Variants in DNAH7 observed in about 807,000 individuals in gnomAD.
The protein encoded by DNAH7 is dynein axonemal heavy chain 7.
A neutral mutation model predicts 444.6 loss-of-function variants in DNAH7; 397 were observed. The ratio of observed to expected loss-of-function variants is 0.89; its 90% confidence interval spans 0.82 to 0.97. The LOEUF is 0.97. Ranked by LOEUF, DNAH7 falls within the 50% of genes least tolerant of loss-of-function variation. DNAH7 has a pLI of 0.00. For missense variants in DNAH7, 4,902 were observed against 4,800.8 expected (o/e 1.02, Z -0.62); for synonymous variants, 1,636 against 1,624.4 (o/e 1.01, Z -0.17).
At chr2:196,046,488 T>A (rs1293424898) in intron 5 of DNAH7, among the ~76,000 whole-genome samples, 1 of 152,130 alleles carries the variant, frequency 6.6e-6, no homozygotes, top group Non-Finnish European at 1.5e-5. Context: ...TTGATTTGGG[T>A]GTTGATCATA....
At chr2:195,768,260 C>A (rs992257128) in intron 61 of DNAH7, among the ~76,000 whole-genome samples, 4 of 148,484 alleles carry the variant, frequency 2.7e-5, no homozygotes, top group Non-Finnish European at 5.9e-5. Flanking sequence ...AATGATAAGG[C>A]AAATATGGCA....
chr2:195,784,288 AT>A (rs1695513590), intron 58 of DNAH7, among the ~76,000 whole-genome samples: 2 of 152,318 alleles, frequency 1.3e-5, no homozygotes, highest in Non-Finnish European at 2.9e-5. Context: ...TTGGGAACCA[AT>A]AATCATTTCA....
chr2:196,004,182 G>A (rs950779767), intron 10 of DNAH7, among the ~76,000 whole-genome samples: 4 of 152,166 alleles, frequency 2.6e-5, no homozygotes, highest in Admixed American at 1.3e-4. Context: ...GCACTGAACT[G>A]GGGAATATTT....
intron 21 of DNAH7, among the ~76,000 whole-genome samples, chr2:195,931,814 T>C (rs1353286828): frequency 6.6e-6 from 1 of 152,250 alleles, no homozygotes; most frequent in Non-Finnish European, 1.5e-5. Flanking sequence ...CATGCTGTTT[T>C]GGTTACTGTA....
intron 47 of DNAH7, among the ~76,000 whole-genome samples, chr2:195,837,870 C>A (rs1040999479): frequency 2.6e-5 from 4 of 152,008 alleles, no homozygotes; most frequent in Non-Finnish European, 1.5e-5. Flanking sequence ...ACTTTGCCCC[C>A]AGTGTTGGCA....
At chr2:196,053,128 G>T (rs1697585835) in intron 2 of DNAH7, among the ~76,000 whole-genome samples, 1 of 152,224 alleles carries the variant, frequency 6.6e-6, no homozygotes, top group South Asian at 2.1e-4. Context: ...GGAACAGAGA[G>T]GGAAGGAGTG....
intron 5 of DNAH7, among the ~76,000 whole-genome samples, chr2:196,042,325 C>T (rs966453728): frequency 6.6e-6 from 1 of 151,864 alleles, no homozygotes. Flanking sequence ...GGACAGATAT[C>T]CCAATTACCC....
chr2:196,064,714 C>T (rs1004562817), intron 1 of DNAH7, among the ~76,000 whole-genome samples: 2 of 152,186 alleles, frequency 1.3e-5, no homozygotes, highest in Non-Finnish European at 2.9e-5. Context: ...CCTTCTGCAA[C>T]ATGCTTTTTA....
chr2:196,026,841 G>A lies in DNAH7; in HGVS notation c.586C>T (p.Leu196=), dbSNP rs1695719835. Residue 196 remains leucine, a synonymous_variant, in exon 7 of 65, where the codon CTG becomes TTG. Coordinates refer to ENST00000312428, the MANE Select transcript of DNAH7 (RefSeq NM_018897.3). ...EHVLDLVPQH[L]KVFTDSIVTL... is the part of the protein sequence containing the mutation. ...ACTATGCTGTCAGTGAAGACTTTCA[G>A]ATGTTGTGGAACTAAATCCAGTACG... 6.2e-7 allele frequency: 1 copy of A among 1,612,390 alleles called. No individual in the cohort carries two copies. The highest frequency in any genetic ancestry group is 1.3e-5 in the African/African-American group (1 of 74,894).
intron 63 of DNAH7, among the ~76,000 whole-genome samples, chr2:195,746,738 G>C (rs1292540976): frequency 6.6e-6 from 1 of 152,168 alleles, no homozygotes; most frequent in Non-Finnish European, 1.5e-5. Flanking sequence ...ACCTGCTCCT[G>C]AATGACTACT....
intron 46 of DNAH7, among the ~76,000 whole-genome samples, chr2:195,852,198 CAG>C (rs1286911112): frequency 6.6e-6 from 1 of 152,062 alleles, no homozygotes; most frequent in Non-Finnish European, 1.5e-5. Context: ...GTGGAGCTTG[CAG>C]AGAGCCGAGA....
chr2:195,905,566 T>C (rs1052921208), intron 27 of DNAH7: 2 of 152,170 alleles, frequency 1.3e-5, no homozygotes, highest in Admixed American at 6.5e-5. Flanking sequence ...ATATAGGATC[T>C]AGTCAGGAGA....
chr2:195,960,803 C>T lies in DNAH7; in HGVS notation c.2348G>A (p.Trp783Ter). 1 of 1,614,092 alleles carries T rather than the reference C, an allele frequency of 6.2e-7. No homozygotes were observed. Among genetic ancestry groups the T allele is most frequent in the Non-Finnish European group, 8.5e-7 (1 of 1,180,012 alleles). Residue 783 changes from tryptophan (W) to a stop codon, truncating the protein, a stop_gained, in exon 18 of 65, where the codon TGG (tryptophan) becomes TAG (stop). Transcript: ENST00000312428. LOFTEE classifies it high-confidence loss of function. Reference sequence around the variant, plus strand: ...CACTTTATGATATGGCCCTTCTGTCCATGCTCTATAGTTGCTGCTAAATTC... The same window carrying T: ...CACTTTATGATATGGCCCTTCTGTCTATGCTCTATAGTTGCTGCTAAATTC... ...AVEFSSNYRA[W>*]TEGPYHKVNP...
At chr2:195,789,287 C>T (rs1695765886) in intron 57 of DNAH7, among the ~76,000 whole-genome samples, 1 of 151,818 alleles carries the variant, frequency 6.6e-6, no homozygotes, top group Admixed American at 6.6e-5. Context: ...AATGAAAATA[C>T]TTAATGTACC....
At position 195,987,105 on chromosome 2, in the gene DNAH7, A is replaced by G; in HGVS notation, c.1715T>C (p.Leu572Pro). ...CTGATGATCTCTGAACATTTTAGCT[A>G]GAAGTTTCCCACAAATAATATCTGC... Reference protein sequence around the residue: ...KRADIICGKLLAKMFRDHQEV... With the variant: ...KRADIICGKLPAKMFRDHQEV... Residue 572 changes from leucine (L) to proline (P), a missense_variant, in exon 14 of 65, where the codon CTA becomes CCA. Coordinates refer to ENST00000312428, the MANE Select transcript of DNAH7 (RefSeq NM_018897.3). The G allele has an allele frequency of 1.2e-6, 2 of 1,608,262 alleles. No homozygotes were observed. Among genetic ancestry groups the G allele is most frequent in the East Asian group, 4.5e-5 (2 of 44,646 alleles).
At chr2:195,890,982 C>T (rs74906846) in intron 31 of DNAH7, among the ~76,000 whole-genome samples, 1 of 152,188 alleles carries the variant, frequency 6.6e-6, no homozygotes, top group Non-Finnish European at 1.5e-5. Flanking sequence ...AGCTGTCTCC[C>T]GTATAATCAC....
At chr2:195,825,535 T>G (rs973712354) in intron 48 of DNAH7, among the ~76,000 whole-genome samples, 1 of 152,190 alleles carries the variant, frequency 6.6e-6, no homozygotes, top group Non-Finnish European at 1.5e-5. Flanking sequence ...TTATTAGATA[T>G]TTGGATTGTT....
At chr2:195,780,513 C>T (rs1695320034) in intron 58 of DNAH7, among the ~76,000 whole-genome samples, 1 of 152,076 alleles carries the variant, frequency 6.6e-6, no homozygotes, top group African/African-American at 2.4e-5. Flanking sequence ...CTTTGGGAGG[C>T]CGAGGCAGGT....
intron 50 of DNAH7, among the ~76,000 whole-genome samples, 183 bp from the exon 51 acceptor site, chr2:195,817,146 C>A (rs1167253058): frequency 6.6e-6 from 1 of 151,968 alleles, no homozygotes; most frequent in Non-Finnish European, 1.5e-5. Context: ...CAAAGATGGG[C>A]CTTTCTGCTC....
Sources: allele counts gnomAD v4.1 joint callset (sites outside exome capture counted in the v4.1 genomes callset), GRCh38; gene constraint gnomAD v4.1.1; transcripts MANE v1.5; gene names NCBI Gene and HGNC (gene_info 2026-07-23, HGNC 2026-07-21).